The following TEX10 variants were observed in gnomAD, a reference collection of about 807,000 sequenced individuals.
The protein encoded by TEX10 is testis-expressed protein 10.
A neutral mutation model predicts 104.4 loss-of-function variants in TEX10; 24 were observed. The observed-to-expected ratio is 0.23, with a 90% CI of 0.17 to 0.32. TEX10 has a LOEUF of 0.32. Among genes scored for constraint, TEX10 ranks in the 10% least tolerant of loss-of-function variants. The pLI is 1.00. For synonymous variants in TEX10, 396 were observed against 393.4 expected (o/e 1.01, Z -0.08); for missense variants, 921 against 1,083.9 (o/e 0.85, Z 2.11).
In TEX10 at chr9:100,310,331, C is replaced by CA; in HGVS notation, c.2250dup (p.Asp751Ter). On this transcript the variant is annotated frameshift_variant, in exon 12 of 15. Transcript: ENST00000374902. LOFTEE classifies it high-confidence loss of function. ...TTACTGATGGCACTTTGCAAGATGT[C>CA]AAAGTTCTGACTTCGGGCAGGAATA... 6.2e-7 allele frequency: 1 copy of CA among 1,614,082 alleles called. No individual in the cohort carries two copies. Among genetic ancestry groups the CA allele is most frequent in the Non-Finnish European group, 8.5e-7 (1 of 1,180,010 alleles).
intron 5 of TEX10, among the ~76,000 whole-genome samples, chr9:100,336,159 C>A (rs539400633): frequency 2.6e-5 from 4 of 152,152 alleles, no homozygotes; most frequent in African/African-American, 7.2e-5. Context: ...AAGAATGAAA[C>A]TCCATCTCAA....
chr9:100,317,215 G>C (rs538606807), intron 11 of TEX10, among the ~76,000 whole-genome samples: 23 of 152,198 alleles, frequency 1.5e-4, no homozygotes, highest in Non-Finnish European at 3.1e-4. Flanking sequence ...AGCAAAGCTG[G>C]AAGTATCACA....
intron 5 of TEX10, among the ~76,000 whole-genome samples, chr9:100,337,264 C>T (rs1416724488): frequency 1.3e-5 from 2 of 152,128 alleles, no homozygotes; most frequent in African/African-American, 2.4e-5. Context: ...ACAATAAGTG[C>T]CTTGCACATA....
At chr9:100,340,087 G>A (rs1400987755) in intron 5 of TEX10, among the ~76,000 whole-genome samples, 170 bp downstream of exon 5, 3 of 152,082 alleles carry the variant, frequency 2.0e-5, no homozygotes, top group Admixed American at 6.5e-5. Context: ...TTAATCCCAA[G>A]GTTCAAACTC....
chr9:100,339,621 A>C (rs1835119937), intron 5 of TEX10, among the ~76,000 whole-genome samples: 1 of 152,012 alleles, frequency 6.6e-6, no homozygotes, highest in South Asian at 2.1e-4. Context: ...CCTTTGACAG[A>C]TTTTAAGATC....
chr9:100,351,375 CA>C (rs199626880), intron 1 of TEX10, among the ~76,000 whole-genome samples: 19,002 of 91,704 alleles, frequency 0.21, 1,869 homozygotes, highest in Non-Finnish European at 0.22. Flanking sequence ...AAAAACAAAA[CA>C]AAACAAAAAA....
At chr9:100,334,384 A>G (rs959893) in intron 5 of TEX10, among the ~76,000 whole-genome samples, 90,430 of 151,970 alleles carry the variant, frequency 0.6, 28,193 homozygotes, top group East Asian at 0.89. Flanking sequence ...AATAACTGCC[A>G]AATCTATAAT....
In TEX10 at chr9:100,308,836, G is replaced by A. The variant is rs1451926822; in HGVS notation, c.2284-155C>T. Among the ~76,000 whole-genome samples the A allele has an allele frequency of 6.0e-4, 92 of 152,184 alleles. 2 individuals carry two copies. On this transcript the variant is annotated intron_variant, in intron 12 of 14. Coordinates refer to ENST00000374902, the MANE Select transcript of TEX10 (RefSeq NM_017746.4). ...GCCACCTGCCACACCTTAAGGTCCT[G>A]TTTTCCTTTGAGAATTTAATCCCTA...
chr9:100,320,465 A>C, intron 10 of TEX10, 67 bp from the exon 11 acceptor site: 1 of 1,500,354 alleles, frequency 6.7e-7, no homozygotes, highest in Non-Finnish European at 8.9e-7. Context: ...CTTTCTTAAA[A>C]AACAGAGATG....
chr9:100,303,692 G>A lies in TEX10; in HGVS notation c.2616C>T (p.Pro872=), dbSNP rs768843570. ...CATTGGTCAACATATGAGTCCTGAG[G>A]GGTGCATGCTGAAGCAGCAGTCGAA... ...QLLRLLLQHA[P]LRTHMLTNAI... The change falls in exon 14 of 15, where the codon CCC becomes CCT. Residue 872 remains proline, a synonymous_variant. Transcript: ENST00000374902. 4 of 1,614,072 alleles carry A rather than the reference G, an allele frequency of 2.5e-6. No homozygotes were observed. In the Admixed American group the frequency reaches 6.7e-5, roughly 27 times the overall value.
chr9:100,305,821 G>C (rs1352402313), intron 13 of TEX10: 6 of 152,218 alleles, frequency 3.9e-5, no homozygotes, highest in Non-Finnish European at 1.5e-5. Flanking sequence ...TATGCTCCTT[G>C]CACAGAATGG....
chr9:100,352,306 T>TC (rs1835474166), intron 1 of TEX10: 2 of 1,523,090 alleles, frequency 1.3e-6, no homozygotes, highest in Admixed American at 2.0e-5. Flanking sequence ...AAACTGGTAG[T>TC]CCCCTTCCGC....
chr9:100,302,916 A>G (rs147133247), intron 14 of TEX10, among the ~76,000 whole-genome samples: 22 of 135,436 alleles, frequency 1.6e-4, no homozygotes, highest in Admixed American at 5.8e-4. Context: ...TATACAAGAC[A>G]CTTTTTTAAC....
At chr9:100,337,931 T>A (rs191482534) in intron 5 of TEX10, among the ~76,000 whole-genome samples, 25 of 152,370 alleles carry the variant, frequency 1.6e-4, no homozygotes, top group Non-Finnish European at 2.9e-4. Flanking sequence ...CTTAGTTGTA[T>A]AGTTCTAATG....
chr9:100,349,206 T>C lies in TEX10; in HGVS notation c.158A>G (p.Asn53Ser). ...QLKEDGTLPT[N>S]NRKLNIKDLL... ...TACCTTTATGTTAAGTTTTCTATTG[T>C]TTGTTGGAAGTGTTCCATCCTCTTT... Residue 53 changes from asparagine (N) to serine (S), a missense_variant, in exon 2 of 15, where the codon AAC (asparagine) becomes AGC (serine). Coordinates refer to ENST00000374902, the MANE Select transcript of TEX10 (RefSeq NM_017746.4). 2 of 1,547,150 alleles carry C rather than the reference T, an allele frequency of 1.3e-6. No individual in the cohort carries two copies. The highest frequency in any genetic ancestry group is 1.7e-6 in the Non-Finnish European group (2 of 1,155,710).
intron 11 of TEX10, 38 bp from the exon 12 acceptor site, chr9:100,310,417 C>T: frequency 1.3e-6 from 2 of 1,540,958 alleles, no homozygotes. Flanking sequence ...CAAATCAGAA[C>T]ATTTTAGATC....
intron 9 of TEX10, among the ~76,000 whole-genome samples, chr9:100,323,074 G>A (rs1834611889): frequency 2.6e-5 from 4 of 152,082 alleles, no homozygotes. Context: ...ACAAAATAGT[G>A]GTTGAAAAAC....
intron 4 of TEX10, among the ~76,000 whole-genome samples, chr9:100,342,700 A>T (rs757182093): frequency 7.9e-5 from 12 of 152,190 alleles, no homozygotes; most frequent in Non-Finnish European, 1.5e-4. Context: ...TGAGACACAC[A>T]CGTAGAGAAA....
chr9:100,328,408 T>C (rs1834762911), intron 7 of TEX10, among the ~76,000 whole-genome samples: 1 of 152,228 alleles, frequency 6.6e-6, no homozygotes, highest in South Asian at 2.1e-4. Flanking sequence ...GATTCTATCA[T>C]GGACTTTGCT....
Sources: gnomAD v4.1 joint callset for allele counts (sites outside exome capture counted in the v4.1 genomes callset) on GRCh38, gnomAD v4.1.1 for gene constraint, MANE v1.5 for transcripts, NCBI Gene and HGNC (gene_info 2026-07-23, HGNC 2026-07-21) for gene names.